The following GMEB1 variants were observed in gnomAD, a reference collection of about 807,000 sequenced individuals.
The protein encoded by GMEB1 is glucocorticoid modulatory element-binding protein 1.
A neutral mutation model predicts 52.4 loss-of-function variants in GMEB1; 6 were observed. The ratio of observed to expected loss-of-function variants is 0.11; its 90% CI spans 0.06 to 0.23. The LOEUF is 0.23. Ranked by LOEUF, GMEB1 falls within the 10% of genes least tolerant of loss-of-function variation. The pLI is 1.00. For missense variants in GMEB1, 486 were observed against 685.6 expected, an observed-to-expected ratio of 0.71 and a Z score of 3.25; for synonymous variants, 255 against 244.9, an observed-to-expected ratio of 1.04 and a Z score of -0.38.
rs79218168 is a variant in GMEB1, at chr1:28,676,738, T to A, written c.-30-6845T>A. On this transcript the variant is annotated intron_variant, in intron 1 of 9. Transcript: ENST00000373816. ...AGACTCCGTCTCAAAAAAAAATAAA[T>A]AAATAAATAAATACAAATAAAGATA... Among the ~76,000 whole-genome samples, 1,303 of 139,264 alleles carry A rather than the reference T, an allele frequency of 9.4e-3. 14 individuals carry two copies. Among genetic ancestry groups the A allele is most frequent in the South Asian group, 0.053 (221 of 4,168 alleles). The allele number at this position is 139,264 out of a possible 152,430, so 91.4% of individuals were successfully genotyped here. A position where few individuals can be genotyped will look rare whatever the true frequency, so the allele number is the denominator to read the frequency against.
At chr1:28,669,202 C>T (rs370896514) in intron 1 of GMEB1, among the ~76,000 whole-genome samples, 2 of 151,688 alleles carry the variant, frequency 1.3e-5, no homozygotes, top group Non-Finnish European at 2.9e-5. Flanking sequence ...CGGAAGTACT[C>T]GGCTCAGGGG....
intron 9 of GMEB1, among the ~76,000 whole-genome samples, chr1:28,712,527 T>C (rs993876091): frequency 6.6e-6 from 1 of 152,102 alleles, no homozygotes; most frequent in Non-Finnish European, 1.5e-5. Context: ...CATTAAGATA[T>C]AAAGACATTT....
At chr1:28,680,260 A>C (rs1202277509) in intron 1 of GMEB1, among the ~76,000 whole-genome samples, 1 of 152,208 alleles carries the variant, frequency 6.6e-6, no homozygotes, top group Non-Finnish European at 1.5e-5. Flanking sequence ...AAATTCTAGA[A>C]GTCTTTTAGG....
At chr1:28,703,844 T>G (rs184968181) in intron 7 of GMEB1, among the ~76,000 whole-genome samples, 2 of 152,048 alleles carry the variant, frequency 1.3e-5, no homozygotes, top group Admixed American at 6.6e-5. Flanking sequence ...AAATATCTCG[T>G]TTTTAAATTA....
chr1:28,708,124 C>T (rs181839318), intron 8 of GMEB1, among the ~76,000 whole-genome samples: 1 of 152,188 alleles, frequency 6.6e-6, no homozygotes, highest in Non-Finnish European at 1.5e-5. Flanking sequence ...GTCTCAAACT[C>T]CTGTGCTCAA....
intron 5 of GMEB1, among the ~76,000 whole-genome samples, chr1:28,695,424 G>C (rs1670155560): frequency 6.6e-6 from 1 of 151,318 alleles, no homozygotes; most frequent in Non-Finnish European, 1.5e-5. Context: ...GAAAGATGGG[G>C]TTTCTCCATG....
chr1:28,674,911 G>C (rs1452840669), intron 1 of GMEB1, among the ~76,000 whole-genome samples: 2 of 141,804 alleles, frequency 1.4e-5, no homozygotes, highest in African/African-American at 5.3e-5. Context: ...GTAGAGACGG[G>C]GTTTCACCGT....
At chr1:28,675,220 T>C (rs945638002) in intron 1 of GMEB1, among the ~76,000 whole-genome samples, 28 of 151,486 alleles carry the variant, frequency 1.8e-4, no homozygotes, top group Non-Finnish European at 3.7e-4. Flanking sequence ...GGTTTCACCA[T>C]GTTAGCCAGG....
chr1:28,706,815 CCACCATGCCTGG>C (rs1670795231), intron 8 of GMEB1, among the ~76,000 whole-genome samples: 1 of 151,156 alleles, frequency 6.6e-6, no homozygotes, highest in Non-Finnish European at 1.5e-5. Context: ...CAGGCAAATA[CCACCATGCCTGG>C]CTAGGTTTTT....
rs1266074112 is a variant in GMEB1, at chr1:28,718,074, T to G, written c.*3301T>G. 6.6e-6 allele frequency: 1 copy of G among 152,214 alleles called. No individual in the cohort carries two copies. The highest frequency in any genetic ancestry group is 1.9e-4 in the East Asian group (1 of 5,198). The allele number at this position is 152,214 out of a possible 1,614,324, so 9.4% of individuals were successfully genotyped here. A position where few individuals can be genotyped will look rare whatever the true frequency, so the allele number is the denominator to read the frequency against. On this transcript the variant is annotated 3_prime_UTR_variant, in exon 10 of 10. Transcript: ENST00000373816. ...TGTAGGTTCCCTTACAGCCCTGGTC[T>G]AGATGATCCTAGATGGGGTGAGACA...
chr1:28,714,534 G>T lies in GMEB1; in HGVS notation c.1453G>T (p.Val485Leu). Residue 485 changes from valine (V) to leucine (L), a missense_variant, in exon 10 of 10, where the codon GTG (valine) becomes TTG (leucine). By Grantham distance (32) the Val-to-Leu change is conservative (BLOSUM62 1). Transcript: ENST00000373816. ...LGNMTTMVSP[V>L]ELVAMESGLT... The stretch of plus-strand genomic sequence containing the variant: ...CAACATGACCACCATGGTTAGCCCT[G>T]TGGAATTGGTGGCCATGGAGTCCGG... 1 of 1,614,192 alleles carries T rather than the reference G, an allele frequency of 6.2e-7. No homozygotes were observed. Among genetic ancestry groups the T allele is most frequent in the Non-Finnish European group, 8.5e-7 (1 of 1,180,038 alleles).
intron 1 of GMEB1, among the ~76,000 whole-genome samples, chr1:28,675,443 C>T (rs1669106400): frequency 6.6e-6 from 1 of 151,960 alleles, no homozygotes; most frequent in South Asian, 2.1e-4. Context: ...CTGTGGGAGA[C>T]AGGCGCGGGC....
chr1:28,689,438 A>G (rs1484338845), intron 2 of GMEB1, among the ~76,000 whole-genome samples: 1 of 152,020 alleles, frequency 6.6e-6, no homozygotes, highest in Non-Finnish European at 1.5e-5. Flanking sequence ...CATCCTAGCT[A>G]ACACAGTGAA....
At chr1:28,702,694 A>G (rs865919011) in intron 7 of GMEB1, 125 bp downstream of exon 7, 2 of 736,304 alleles carry the variant, frequency 2.7e-6, no homozygotes, top group Non-Finnish European at 2.2e-6. Flanking sequence ...AATACTAACT[A>G]TAGCTACAAA....
chr1:28,685,908 G>A (rs979050702), intron 2 of GMEB1, among the ~76,000 whole-genome samples: 3 of 152,152 alleles, frequency 2.0e-5, no homozygotes, highest in Non-Finnish European at 4.4e-5. Context: ...GCAGTGAGCC[G>A]AGATTGTGCC....
At chr1:28,675,017 C>A (rs1669083897) in intron 1 of GMEB1, among the ~76,000 whole-genome samples, 1 of 101,614 alleles carries the variant, frequency 9.8e-6, no homozygotes, top group East Asian at 2.6e-4. Flanking sequence ...CCGCGCCCGG[C>A]CTTTTTTTTT....
chr1:28,683,247 C>T (rs559730342), intron 1 of GMEB1, among the ~76,000 whole-genome samples: 98 of 150,830 alleles, frequency 6.5e-4, no homozygotes, highest in African/African-American at 2.2e-3. Flanking sequence ...TTTTTTGAGA[C>T]GGAATTTCAC....
In GMEB1 at chr1:28,680,995, G is replaced by A. The variant is rs140054503; in HGVS notation, c.-30-2588G>A. On this transcript the variant is annotated intron_variant, in intron 1 of 9. Transcript: ENST00000373816. ...GAAGGCGGAGGTTATAGTGAGCTGAGATTGTGCCATTGTACTCCAGCCTGG... is the reference window on the plus strand; with the variant it reads ...GAAGGCGGAGGTTATAGTGAGCTGAAATTGTGCCATTGTACTCCAGCCTGG... 1.2e-3 allele frequency among the ~76,000 whole-genome samples: 176 copies of A among 152,258 alleles called. 1 individual carries two copies. The highest frequency in any genetic ancestry group is 1.7e-3 in the African/African-American group (71 of 41,554).
intron 1 of GMEB1, among the ~76,000 whole-genome samples, chr1:28,679,556 A>G (rs1557497892): frequency 6.6e-6 from 1 of 152,114 alleles, no homozygotes; most frequent in Non-Finnish European, 1.5e-5. Context: ...TTTTCCCTGC[A>G]TATCCAATAG....
Sources: gnomAD v4.1 joint callset for allele counts (sites outside exome capture counted in the v4.1 genomes callset) on GRCh38, gnomAD v4.1.1 for gene constraint, MANE v1.5 for transcripts, NCBI Gene and HGNC (gene_info 2026-07-23, HGNC 2026-07-21) for gene names.